BARX2: variants seen among roughly 807,000 people sequenced by gnomAD.
The protein encoded by BARX2 is homeobox protein BarH-like 2.
Under a neutral mutation model 25.5 loss-of-function variants are expected in BARX2, and 11 were observed. The ratio of observed to expected loss-of-function variants is 0.43; its 90% CI spans 0.27 to 0.71. The LOEUF is 0.71. Among genes scored for constraint, BARX2 ranks in the 30% least tolerant of loss-of-function variants. The probability of loss-of-function intolerance (pLI) is 0.19; values close to 1 mark genes in which losing one functional copy is unlikely to be tolerated. For missense variants in BARX2, 360 were observed against 359.9 expected (o/e 1.00, Z 0.00); for synonymous variants, 137 against 149.5 (o/e 0.92, Z 0.61).
chr11:129,386,506 A>T (rs963282116), intron 1 of BARX2, among the ~76,000 whole-genome samples: 5 of 152,192 alleles, frequency 3.3e-5, no homozygotes, highest in Non-Finnish European at 1.5e-5. Context: ...TGATTTTAAA[A>T]GTTTGTTCAA....
chr11:129,429,428 G>C (rs1862104012), intron 1 of BARX2, among the ~76,000 whole-genome samples: 1 of 152,098 alleles, frequency 6.6e-6, no homozygotes, highest in South Asian at 2.1e-4. Flanking sequence ...GGGAGGCTGA[G>C]ACAGGAGGAT....
At chr11:129,429,859 T>G (rs1260785826) in intron 1 of BARX2, among the ~76,000 whole-genome samples, 1 of 152,186 alleles carries the variant, frequency 6.6e-6, no homozygotes, top group African/African-American at 2.4e-5. Context: ...TATTCATGGA[T>G]TTCACAAAGT....
chr11:129,409,890 C>G (rs1048814966), intron 1 of BARX2, among the ~76,000 whole-genome samples: 12 of 152,058 alleles, frequency 7.9e-5, no homozygotes, highest in African/African-American at 2.9e-4. Context: ...CTTGGAATTT[C>G]TACCAATTGG....
chr11:129,387,705 T>A (rs1861629083), intron 1 of BARX2, among the ~76,000 whole-genome samples: 1 of 152,190 alleles, frequency 6.6e-6, no homozygotes, highest in Non-Finnish European at 1.5e-5. Flanking sequence ...AGGAACATCC[T>A]ATTGGAGTGC....
intron 1 of BARX2, among the ~76,000 whole-genome samples, chr11:129,413,898 C>G (rs1384569938): frequency 6.6e-6 from 1 of 151,912 alleles, no homozygotes; most frequent in Non-Finnish European, 1.5e-5. Flanking sequence ...CCCGTCTCTA[C>G]TAAATACAAA....
chr11:129,426,565 G>A (rs1414513696), intron 1 of BARX2, among the ~76,000 whole-genome samples: 1 of 152,066 alleles, frequency 6.6e-6, no homozygotes, highest in Non-Finnish European at 1.5e-5. Flanking sequence ...TAGAGATGGG[G>A]TTTCACCATG....
intron 1 of BARX2, among the ~76,000 whole-genome samples, chr11:129,379,576 T>C (rs1456188080): frequency 6.6e-6 from 1 of 152,168 alleles, no homozygotes; most frequent in East Asian, 1.9e-4. Context: ...GAAAGCTGGT[T>C]TCTTGGGGTA....
At chr11:129,392,253 T>G (rs979757059) in intron 1 of BARX2, among the ~76,000 whole-genome samples, 1 of 152,202 alleles carries the variant, frequency 6.6e-6, no homozygotes, top group Non-Finnish European at 1.5e-5. Flanking sequence ...TGAAACCCAC[T>G]GTGGGGTGAG....
intron 1 of BARX2, among the ~76,000 whole-genome samples, chr11:129,421,786 T>C (rs1862006961): frequency 6.6e-6 from 1 of 152,232 alleles, no homozygotes; most frequent in South Asian, 2.1e-4. Flanking sequence ...ACATCAGAAG[T>C]TGAAATGAGG....
At chr11:129,397,088 C>T (rs117077196) in intron 1 of BARX2, among the ~76,000 whole-genome samples, 2,453 of 152,114 alleles carry the variant, frequency 0.016, 35 homozygotes, top group Middle Eastern at 0.041. Context: ...AATTCAAGAC[C>T]ACCCTGGGCA....
intron 1 of BARX2, among the ~76,000 whole-genome samples, chr11:129,408,314 A>G (rs746916431): frequency 1.3e-5 from 2 of 152,172 alleles, no homozygotes; most frequent in Admixed American, 6.5e-5. Flanking sequence ...TTTTTGTGAC[A>G]TGAGATTTGA....
chr11:129,415,407 T>C (rs77903857), intron 1 of BARX2, among the ~76,000 whole-genome samples: 4,122 of 151,840 alleles, frequency 0.027, 87 homozygotes, highest in Non-Finnish European at 0.037. Flanking sequence ...CAGGATGCCA[T>C]GGGGGGATAC....
chr11:129,385,182 T>C (rs550323344), intron 1 of BARX2, among the ~76,000 whole-genome samples: 11 of 152,236 alleles, frequency 7.2e-5, no homozygotes, highest in African/African-American at 2.6e-4. Flanking sequence ...CAACAGGCAT[T>C]CTCCACACTC....
At chr11:129,437,596 G>A (rs1862207177) in intron 2 of BARX2, 1 of 828,980 alleles carries the variant, frequency 1.2e-6, no homozygotes, top group Non-Finnish European at 1.5e-6. Flanking sequence ...TGAGACCCAG[G>A]AGGACCTGGC....
At chr11:129,400,520 T>C (rs1007434132) in intron 1 of BARX2, among the ~76,000 whole-genome samples, 7 of 152,198 alleles carry the variant, frequency 4.6e-5, no homozygotes, top group African/African-American at 7.2e-5. Context: ...TGGAAACAGA[T>C]AGTATGTGTC....
chr11:129,423,224 C>T (rs1309165563), intron 1 of BARX2, among the ~76,000 whole-genome samples: 2 of 150,988 alleles, frequency 1.3e-5, no homozygotes, highest in African/African-American at 4.9e-5. Context: ...TCAAGCAGTT[C>T]TCCTGCCTCA....
intron 1 of BARX2, among the ~76,000 whole-genome samples, chr11:129,377,669 A>G (rs1015229779): frequency 7.9e-5 from 12 of 152,226 alleles, no homozygotes; most frequent in Non-Finnish European, 4.4e-5. Flanking sequence ...TAAGTTGAAT[A>G]TTGTTTTGAG....
intron 1 of BARX2, among the ~76,000 whole-genome samples, chr11:129,400,583 C>T (rs963724031): frequency 6.6e-6 from 1 of 152,182 alleles, no homozygotes; most frequent in Non-Finnish European, 1.5e-5. Flanking sequence ...ACATTCTATA[C>T]TCAAGAAGGC....
rs1591421986 is a variant in BARX2, at chr11:129,375,936, G to A, written c.-100G>A. On this transcript the variant is annotated 5_prime_UTR_variant, in exon 1 of 4. Coordinates refer to ENST00000281437, the MANE Select transcript of BARX2 (RefSeq NM_003658.5). This position sits in a 1 kb window ranked among gnomAD's most constrained non-coding sequence, Gnocchi z 4.0. ...GCCCCGCCGCCTCCCCAGCTGCCGG[G>A]AGCGGGGCCCAGGCCCCGCCGTCGC... is the stretch of plus-strand genomic sequence containing the variant. 1.5e-6 allele frequency: 1 copy of A among 688,852 alleles called. No homozygotes were observed. Among genetic ancestry groups the A allele is most frequent in the South Asian group, 6.4e-5 (1 of 15,510 alleles). The allele number at this position is 688,852 out of a possible 1,614,324, so 42.7% of individuals were successfully genotyped here.
Sources: gnomAD v4.1 joint callset for allele counts (sites outside exome capture counted in the v4.1 genomes callset) on GRCh38, gnomAD v4.1.1 for gene constraint, Gnocchi (gnomAD v3.1) non-coding constraint, MANE v1.5 for transcripts, NCBI Gene and HGNC (gene_info 2026-07-23, HGNC 2026-07-21) for gene names.